AGBL1: variants seen among roughly 807,000 people sequenced by gnomAD.
AGBL1 encodes the protein cytosolic carboxypeptidase 4.
A neutral mutation model predicts 118.9 loss-of-function variants in AGBL1; 130 were observed. The observed-to-expected ratio is 1.09, with a 90% CI of 0.95 to 1.26. The LOEUF (loss-of-function observed/expected upper bound fraction) is 1.26. Ranked by LOEUF, AGBL1 falls within the 50% of genes most tolerant of loss-of-function variation. The pLI, the probability that AGBL1 is intolerant of heterozygous loss-of-function variation, is 0.00. For missense variants in AGBL1, 1,584 were observed against 1,298.1 expected (o/e 1.22, Z -3.38); for synonymous variants, 555 against 478.9 (o/e 1.16, Z -2.08).
intron 21 of AGBL1, among the ~76,000 whole-genome samples, chr15:86,609,019 A>G (rs574511555): frequency 2.0e-5 from 3 of 152,298 alleles, no homozygotes; most frequent in East Asian, 3.9e-4. Context: ...CACACTTTGC[A>G]TAATTTTAAA....
intron 22 of AGBL1, among the ~76,000 whole-genome samples, chr15:86,675,648 T>G (rs1269028634): frequency 6.6e-6 from 1 of 152,168 alleles, no homozygotes; most frequent in Non-Finnish European, 1.5e-5. Context: ...ATCTTTGTGG[T>G]GTTTTCAGAC....
At chr15:86,132,314 C>T (rs1022154208) in intron 1 of AGBL1, among the ~76,000 whole-genome samples, 6 of 152,086 alleles carry the variant, frequency 3.9e-5, no homozygotes, top group African/African-American at 1.4e-4. Flanking sequence ...CCTGAATGCT[C>T]TTAATTGTCC....
At chr15:86,545,244 T>C (rs984474961) in intron 19 of AGBL1, among the ~76,000 whole-genome samples, 2 of 152,222 alleles carry the variant, frequency 1.3e-5, no homozygotes. Context: ...CTAGTATGAA[T>C]GAAAAATAAT....
intron 22 of AGBL1, among the ~76,000 whole-genome samples, chr15:86,722,453 T>G (rs1246684755): frequency 6.6e-6 from 1 of 152,274 alleles, no homozygotes; most frequent in Non-Finnish European, 1.5e-5. Context: ...TGGCTAGCCA[T>G]CTGTAGAAAG....
intron 22 of AGBL1, among the ~76,000 whole-genome samples, chr15:86,795,270 G>T (rs1268691123): frequency 6.6e-6 from 1 of 152,170 alleles, no homozygotes; most frequent in East Asian, 1.9e-4. Flanking sequence ...ACAAATCATT[G>T]CCTGGACGGA....
At chr15:86,683,286 C>T (rs1425877546) in intron 22 of AGBL1, among the ~76,000 whole-genome samples, 6 of 151,994 alleles carry the variant, frequency 3.9e-5, no homozygotes, top group African/African-American at 1.2e-4. Context: ...TCATTTTGGA[C>T]CATAAATATC....
At chr15:86,391,951 C>T (rs1296688138) in intron 17 of AGBL1, among the ~76,000 whole-genome samples, 1 of 152,058 alleles carries the variant, frequency 6.6e-6, no homozygotes, top group Non-Finnish European at 1.5e-5. Flanking sequence ...TCAAATGTTA[C>T]CTTTTCTGTG....
intron 17 of AGBL1, among the ~76,000 whole-genome samples, chr15:86,317,449 G>A (rs1333651780): frequency 1.3e-5 from 2 of 152,216 alleles, no homozygotes; most frequent in South Asian, 2.1e-4. Context: ...GGAGAAATTA[G>A]GAGTGAAAAT....
intron 23 of AGBL1, among the ~76,000 whole-genome samples, chr15:86,952,567 T>C (rs962117405): frequency 2.0e-5 from 3 of 152,216 alleles, no homozygotes; most frequent in African/African-American, 7.2e-5. Flanking sequence ...AAATACCTTA[T>C]AGATTCTGGA....
intron 22 of AGBL1, among the ~76,000 whole-genome samples, chr15:86,815,732 C>A (rs1484968190): frequency 7.3e-6 from 1 of 137,788 alleles, no homozygotes; most frequent in Non-Finnish European, 1.7e-5. Context: ...GAAGCAAAAT[C>A]CCAACCCCAG....
intron 21 of AGBL1, among the ~76,000 whole-genome samples, chr15:86,624,923 C>T (rs2084861187): frequency 6.6e-6 from 1 of 152,158 alleles, no homozygotes; most frequent in African/African-American, 2.4e-5. Flanking sequence ...GCTGCCAGGG[C>T]CTGACAGAAT....
At chr15:86,903,371 CT>C in intron 22 of AGBL1, among the ~76,000 whole-genome samples, 1 of 151,742 alleles carries the variant, frequency 6.6e-6, no homozygotes, top group East Asian at 1.9e-4. Context: ...TTTTCCCTAC[CT>C]TTTTTTCTGG....
intron 5 of AGBL1, among the ~76,000 whole-genome samples, chr15:86,213,514 T>A (rs1222121895): frequency 6.6e-6 from 1 of 152,120 alleles, no homozygotes; most frequent in Non-Finnish European, 1.5e-5. Context: ...ACTCTGTGTT[T>A]TAACAAGCCC....
At chr15:86,240,512 G>A (rs1053207041) in intron 6 of AGBL1, among the ~76,000 whole-genome samples, 1 of 152,220 alleles carries the variant, frequency 6.6e-6, no homozygotes, top group East Asian at 1.9e-4. Flanking sequence ...GAGAAGAGTG[G>A]TTTGAAGCAA....
At chr15:86,332,050 C>T (rs1332082509) in intron 17 of AGBL1, among the ~76,000 whole-genome samples, 1 of 151,912 alleles carries the variant, frequency 6.6e-6, no homozygotes, top group Non-Finnish European at 1.5e-5. Flanking sequence ...TAATGACATC[C>T]ATAGCCTCAA....
At chr15:86,954,476 A>C (rs1347370345) in intron 23 of AGBL1, among the ~76,000 whole-genome samples, 1 of 152,204 alleles carries the variant, frequency 6.6e-6, no homozygotes, top group Non-Finnish European at 1.5e-5. Flanking sequence ...AGCTATAGAA[A>C]GATTGAAATC....
At chr15:86,491,184 T>C (rs1355072717) in intron 18 of AGBL1, among the ~76,000 whole-genome samples, 1 of 152,000 alleles carries the variant, frequency 6.6e-6, no homozygotes, top group Admixed American at 6.6e-5. Context: ...AGTCTGAGGG[T>C]CCAGGGAAAT....
At chr15:86,414,802 A>G (rs2081667646) in intron 18 of AGBL1, among the ~76,000 whole-genome samples, 1 of 152,182 alleles carries the variant, frequency 6.6e-6, no homozygotes, top group African/African-American at 2.4e-5. Context: ...AGATGCAGAC[A>G]TAAAATTAAG....
At chr15:86,637,277 T>A (rs763445797) in intron 21 of AGBL1, among the ~76,000 whole-genome samples, 5 of 151,978 alleles carry the variant, frequency 3.3e-5, no homozygotes, top group Non-Finnish European at 7.4e-5. Flanking sequence ...TGGAGGGTCA[T>A]GAAAAGTGTG....
Sources: gnomAD v4.1 joint callset for allele counts (sites outside exome capture counted in the v4.1 genomes callset) on GRCh38, gnomAD v4.1.1 for gene constraint, MANE v1.5 for transcripts, NCBI Gene and HGNC (gene_info 2026-07-23, HGNC 2026-07-21) for gene names.